ARMC2: variants seen among roughly 807,000 people sequenced by gnomAD.
ARMC2 encodes armadillo repeat-containing protein 2.
In ARMC2, 67 loss-of-function variants were observed where a neutral mutation model predicts 90.3. The observed-to-expected ratio is 0.74, with a 90% CI of 0.61 to 0.91. ARMC2 has a LOEUF of 0.91. Among genes scored for constraint, ARMC2 ranks in the 40% least tolerant of loss-of-function variants. The pLI is 0.00. For missense variants in ARMC2, 920 were observed against 1,030.9 expected (o/e 0.89, Z 1.47); for synonymous variants, 393 against 393.0 (o/e 1.00, Z 0.00).
chr6:108,892,632 G>A (rs1001286828), intron 5 of ARMC2, among the ~76,000 whole-genome samples: 5 of 151,792 alleles, frequency 3.3e-5, no homozygotes, highest in East Asian at 1.9e-4. Flanking sequence ...GGTGGCACAC[G>A]CCTGTAATCC....
At chr6:109,005,896 GCTGT>G in the ARMC2 span, among the ~76,000 whole-genome samples, 1 of 152,128 alleles carries the variant, frequency 6.6e-6, no homozygotes, top group Admixed American at 6.5e-5. Flanking sequence ...AACAGATTTG[GCTGT>G]CTAATTTCTC....
intron 11 of ARMC2, among the ~76,000 whole-genome samples, chr6:108,936,380 C>T (rs1157182474): frequency 6.6e-6 from 1 of 152,132 alleles, no homozygotes; most frequent in African/African-American, 2.4e-5. Context: ...CCTGGGCCTC[C>T]AGAGTAGCTG....
chr6:109,009,116 T>C, the ARMC2 span: 1 of 724,208 alleles, frequency 1.4e-6, no homozygotes. Flanking sequence ...TAGCATTTTC[T>C]GCCCAGGGAC....
At chr6:108,987,570 T>G in the ARMC2 span, 1 of 1,604,140 alleles carries the variant, frequency 6.2e-7, no homozygotes, top group Admixed American at 1.7e-5. Context: ...GTAATGGCTC[T>G]CAGAGCATAA....
At chr6:109,049,918 T>A in the ARMC2 span, among the ~76,000 whole-genome samples, 3 of 152,080 alleles carry the variant, frequency 2.0e-5, no homozygotes, top group African/African-American at 4.8e-5. Context: ...CATCTCCATG[T>A]CTGACTTTGG....
At chr6:108,910,877 A>G in intron 8 of ARMC2, 22 bp from the exon 9 acceptor site, 1 of 1,225,052 alleles carries the variant, frequency 8.2e-7, no homozygotes, top group Non-Finnish European at 1.1e-6. Context: ...TCTGCAATAG[A>G]GATGTGTTTC....
the ARMC2 span, among the ~76,000 whole-genome samples, chr6:108,995,799 A>G: frequency 6.6e-6 from 1 of 152,160 alleles, no homozygotes; most frequent in African/African-American, 2.4e-5. Flanking sequence ...GAGAAAAAAA[A>G]GTCTTAATCT....
At chr6:108,990,816 T>C in the ARMC2 span, 8 of 1,613,950 alleles carry the variant, frequency 5.0e-6, 1 homozygote, top group South Asian at 2.2e-5. Flanking sequence ...AGAATAACCA[T>C]GATCTTCCCA....
chr6:108,962,622 C>T (rs1461538864), intron 15 of ARMC2, among the ~76,000 whole-genome samples: 1 of 152,172 alleles, frequency 6.6e-6, no homozygotes, highest in Non-Finnish European at 1.5e-5. Flanking sequence ...CTACCTTTTG[C>T]TTCTGCATTG....
the ARMC2 span, among the ~76,000 whole-genome samples, chr6:109,006,347 G>A: frequency 1.3e-5 from 2 of 152,144 alleles, no homozygotes; most frequent in Admixed American, 1.3e-4. Context: ...TGTGCACAAT[G>A]TGCAGGTTTG....
At chr6:109,036,039 C>T in the ARMC2 span, among the ~76,000 whole-genome samples, 2 of 152,274 alleles carry the variant, frequency 1.3e-5, no homozygotes, top group South Asian at 4.2e-4. Flanking sequence ...CCTCAAGACT[C>T]CCCACCATTC....
At chr6:108,907,623 G>A (rs560266147) in intron 8 of ARMC2, 38 of 1,580,924 alleles carry the variant, frequency 2.4e-5, no homozygotes, top group East Asian at 2.2e-4. Flanking sequence ...TGGTATTTGC[G>A]GAGCCACTCG....
intron 5 of ARMC2, among the ~76,000 whole-genome samples, chr6:108,876,599 G>A (rs1776963358): frequency 6.6e-6 from 1 of 152,132 alleles, no homozygotes; most frequent in African/African-American, 2.4e-5. Flanking sequence ...AGGACTATCA[G>A]AATAAGATTT....
intron 10 of ARMC2, among the ~76,000 whole-genome samples, chr6:108,918,462 A>G (rs1019096630): frequency 6.6e-6 from 1 of 151,874 alleles, no homozygotes; most frequent in East Asian, 1.9e-4. Context: ...TTTAAATTAA[A>G]AGATGTTTTG....
intron 10 of ARMC2, among the ~76,000 whole-genome samples, chr6:108,925,770 T>C (rs1241842853): frequency 1.3e-5 from 2 of 152,228 alleles, no homozygotes; most frequent in African/African-American, 4.8e-5. Context: ...ATATGTTTCA[T>C]GCATGTTATT....
At chr6:109,007,828 GA>G in the ARMC2 span, among the ~76,000 whole-genome samples, 1 of 115,750 alleles carries the variant, frequency 8.6e-6, no homozygotes, top group Non-Finnish European at 1.7e-5. Context: ...CTATATTTTA[GA>G]AAAAAAACTT....
At chr6:109,002,127 C>A in the ARMC2 span, 1 of 613,232 alleles carries the variant, frequency 1.6e-6, no homozygotes, top group South Asian at 2.1e-5. Context: ...CTTTTTATTC[C>A]CACAGATTCA....
the ARMC2 span, among the ~76,000 whole-genome samples, chr6:108,991,227 G>A: frequency 7.1e-6 from 1 of 141,528 alleles, no homozygotes; most frequent in Admixed American, 6.8e-5. Context: ...TTCAAATTAT[G>A]AGTGTGTGTG....
At chr6:108,913,937 C>T (rs1464840565) in intron 10 of ARMC2, among the ~76,000 whole-genome samples, 1 of 152,168 alleles carries the variant, frequency 6.6e-6, no homozygotes, top group African/African-American at 2.4e-5. Context: ...TGAGTTAACC[C>T]TAAAGACTTA....
Sources: gnomAD v4.1 joint callset for allele counts (sites outside exome capture counted in the v4.1 genomes callset) on GRCh38, gnomAD v4.1.1 for gene constraint, MANE v1.5 for transcripts, NCBI Gene and HGNC (gene_info 2026-07-23, HGNC 2026-07-21) for gene names.